The following CNTN1 variants were observed in gnomAD, a reference collection of about 807,000 sequenced individuals.
The protein encoded by CNTN1 is contactin 1.
In CNTN1, 38 loss-of-function variants were observed where a neutral mutation model predicts 126.4. The ratio of observed to expected loss-of-function variants is 0.30; its 90% CI spans 0.23 to 0.39. The LOEUF (loss-of-function observed/expected upper bound fraction) is 0.39. CNTN1 is among the 10% of genes least tolerant of loss of function. The pLI is 1.00. For synonymous variants in CNTN1, 413 were observed against 422.6 expected (o/e 0.98, Z 0.28); for missense variants, 1,009 against 1,248.4 (o/e 0.81, Z 2.89).
intron 14 of CNTN1, among the ~76,000 whole-genome samples, chr12:40,957,997 T>C (rs1391857043): frequency 6.6e-6 from 1 of 152,128 alleles, no homozygotes; most frequent in Non-Finnish European, 1.5e-5. Flanking sequence ...ACAGTCATGA[T>C]ACATCATAGG....
intron 14 of CNTN1, among the ~76,000 whole-genome samples, chr12:40,957,860 A>G (rs1946947583): frequency 6.6e-6 from 1 of 152,028 alleles, no homozygotes; most frequent in Non-Finnish European, 1.5e-5. Flanking sequence ...TCTCTCAGCT[A>G]TTATTCTTAA....
At chr12:40,923,899 T>C (rs1220751191) in intron 5 of CNTN1, among the ~76,000 whole-genome samples, 1 of 152,048 alleles carries the variant, frequency 6.6e-6, no homozygotes, top group African/African-American at 2.4e-5. Context: ...GATCACAGGT[T>C]AGGAACAGGA....
At chr12:41,041,513 T>C (rs575848285) in intron 23 of CNTN1, among the ~76,000 whole-genome samples, 1 of 152,310 alleles carries the variant, frequency 6.6e-6, no homozygotes, top group African/African-American at 2.4e-5. Flanking sequence ...CTTGTACCTC[T>C]GGTAGAATTT....
intron 1 of CNTN1, among the ~76,000 whole-genome samples, chr12:40,838,449 T>C (rs538179994): frequency 1.1e-3 from 166 of 152,314 alleles, no homozygotes; most frequent in Non-Finnish European, 1.7e-3. Context: ...TACTGGAATC[T>C]GAGCAAGACA....
Position 40,993,082 on chromosome 12 carries a change from T to C in CNTN1, c.1964-38T>C, listed in dbSNP as rs188031667. 1,665 of 1,572,204 alleles carry C rather than the reference T, an allele frequency of 1.1e-3. 3 individuals carry two copies. The highest frequency in any genetic ancestry group is 1.4e-3 in the Non-Finnish European group (1,591 of 1,142,412). On this transcript the variant is annotated intron_variant, in intron 16 of 23. Coordinates refer to ENST00000551295, the MANE Select transcript of CNTN1 (RefSeq NM_001843.4). ...GGAAGTTATAAAAGTGATAAGTTAA[T>C]CAACCTGTATTCTCTATTTACTATT...
intron 1 of CNTN1, among the ~76,000 whole-genome samples, chr12:40,728,605 G>T (rs1046895783): frequency 2.0e-5 from 3 of 152,094 alleles, no homozygotes; most frequent in African/African-American, 7.2e-5. Flanking sequence ...ATTTGGAATG[G>T]CTCTAAACAC....
chr12:40,927,436 G>T (rs1434526378), intron 6 of CNTN1, among the ~76,000 whole-genome samples: 1 of 152,020 alleles, frequency 6.6e-6, no homozygotes, highest in Non-Finnish European at 1.5e-5. Flanking sequence ...GCTTATTTTG[G>T]TGATGGTGGG....
At chr12:41,059,699 G>C (rs906282958) in intron 23 of CNTN1, among the ~76,000 whole-genome samples, 4 of 151,976 alleles carry the variant, frequency 2.6e-5, no homozygotes, top group Non-Finnish European at 4.4e-5. Context: ...GACAAATTAG[G>C]CACTTACTAA....
At chr12:40,859,074 A>T (rs1199203267) in intron 1 of CNTN1, among the ~76,000 whole-genome samples, 2 of 152,132 alleles carry the variant, frequency 1.3e-5, no homozygotes, top group African/African-American at 4.8e-5. Flanking sequence ...GCAAACCACC[A>T]TGGCACATGT....
At chr12:40,986,619 C>G (rs934944361) in intron 16 of CNTN1, among the ~76,000 whole-genome samples, 1 of 152,126 alleles carries the variant, frequency 6.6e-6, no homozygotes, top group African/African-American at 2.4e-5. Flanking sequence ...CCAGAGTGCT[C>G]GGGCTTTTTA....
chr12:40,877,920 C>A (rs1488820559), intron 1 of CNTN1, among the ~76,000 whole-genome samples: 1 of 151,496 alleles, frequency 6.6e-6, no homozygotes, highest in African/African-American at 2.4e-5. Flanking sequence ...CATCTGATGC[C>A]TAATATATTG....
At chr12:40,797,569 G>A (rs1157835328) in intron 1 of CNTN1, among the ~76,000 whole-genome samples, 2 of 152,016 alleles carry the variant, frequency 1.3e-5, no homozygotes, top group Non-Finnish European at 2.9e-5. Context: ...ACATAGCATA[G>A]CATCATATGT....
At chr12:40,823,120 CATA>C (rs1323381093) in intron 1 of CNTN1, among the ~76,000 whole-genome samples, 5 of 152,010 alleles carry the variant, frequency 3.3e-5, no homozygotes, top group Admixed American at 3.3e-4. Flanking sequence ...ATTTTAGTAA[CATA>C]ATAACAAATA....
intron 1 of CNTN1, among the ~76,000 whole-genome samples, chr12:40,876,965 A>G (rs1468718285): frequency 6.6e-6 from 1 of 152,070 alleles, no homozygotes; most frequent in Non-Finnish European, 1.5e-5. Flanking sequence ...GTCTTTGTAT[A>G]CTGTTTCAAA....
intron 1 of CNTN1, among the ~76,000 whole-genome samples, chr12:40,744,965 T>C (rs1255709071): frequency 6.6e-6 from 1 of 152,128 alleles, no homozygotes; most frequent in African/African-American, 2.4e-5. Flanking sequence ...TTTCCTTACA[T>C]GTTTGTGATT....
intron 23 of CNTN1, among the ~76,000 whole-genome samples, chr12:41,040,212 C>G (rs1566196274): frequency 6.6e-6 from 1 of 152,080 alleles, no homozygotes; most frequent in Non-Finnish European, 1.5e-5. Flanking sequence ...AGAAGTGTGT[C>G]AAAAGTCTTT....
chr12:41,068,669 G>T (rs1438544451), intron 23 of CNTN1, among the ~76,000 whole-genome samples: 3 of 152,158 alleles, frequency 2.0e-5, no homozygotes, highest in Non-Finnish European at 4.4e-5. Flanking sequence ...CCATGCCAAA[G>T]AATGAGCTGT....
At chr12:41,017,297 C>T (rs898532861) in intron 19 of CNTN1, among the ~76,000 whole-genome samples, 12 of 148,358 alleles carry the variant, frequency 8.1e-5, no homozygotes, top group African/African-American at 2.5e-4. Context: ...TATGGCCGGG[C>T]GTGGTGGCGC....
At chr12:40,808,981 G>T (rs556981787) in intron 1 of CNTN1, among the ~76,000 whole-genome samples, 2 of 151,824 alleles carry the variant, frequency 1.3e-5, no homozygotes, top group African/African-American at 4.8e-5. Context: ...TCATATAGTG[G>T]TCACTCTAGT....
Sources: allele counts gnomAD v4.1 joint callset (sites outside exome capture counted in the v4.1 genomes callset), GRCh38; gene constraint gnomAD v4.1.1; transcripts MANE v1.5; gene names NCBI Gene and HGNC (gene_info 2026-07-23, HGNC 2026-07-21).